The following CES1 variants were observed in gnomAD, a reference collection of about 807,000 sequenced individuals.
The protein encoded by CES1 is carboxylesterase 1, also known as liver carboxylesterase 1.
CES1 carries 50 observed loss-of-function variants against 53.0 expected under a neutral mutation model. The ratio of observed to expected loss-of-function variants is 0.94; its 90% confidence interval spans 0.75 to 1.19. The LOEUF (loss-of-function observed/expected upper bound fraction) is 1.19, where lower values mean the gene tolerates loss of function less well. Ranked by LOEUF, CES1 falls within the 50% of genes most tolerant of loss-of-function variation. CES1 has a pLI of 0.00. For synonymous variants in CES1, 202 were observed against 210.1 expected (o/e 0.96, Z 0.33); for missense variants, 534 against 538.0 (o/e 0.99, Z 0.07).
At chr16:55,832,662 T>C (rs1360940311) in intron 1 of CES1, among the ~76,000 whole-genome samples, 1 of 152,170 alleles carries the variant, frequency 6.6e-6, no homozygotes, top group African/African-American at 2.4e-5. Context: ...CTTAATATTA[T>C]GTTGAGCCGC....
intron 1 of CES1, among the ~76,000 whole-genome samples, chr16:55,830,803 A>AAGGAAGGAAGGAAGGGAGGG (rs1375372633): frequency 7.6e-5 from 11 of 145,394 alleles, no homozygotes; most frequent in African/African-American, 2.9e-4. Flanking sequence ...GGAAGGAAGG[A>AAGGAAGGAAGGAAGGGAGGG]AGGAAGGAAG....
At chr16:55,815,521 C>T (rs1250622492) in intron 8 of CES1, among the ~76,000 whole-genome samples, 12 of 152,224 alleles carry the variant, frequency 7.9e-5, no homozygotes, top group African/African-American at 2.9e-4. Flanking sequence ...TTAGAGTTTG[C>T]AAGTGGCTGC....
At chr16:55,819,274 A>G (rs1485299434) in intron 7 of CES1, among the ~76,000 whole-genome samples, 1 of 152,262 alleles carries the variant, frequency 6.6e-6, no homozygotes, top group Admixed American at 6.5e-5. Flanking sequence ...TTAAAAATAC[A>G]TCTGAAAACA....
chr16:55,829,525 A>G (rs192684569), intron 1 of CES1, among the ~76,000 whole-genome samples: 57 of 152,352 alleles, frequency 3.7e-4, no homozygotes, highest in African/African-American at 1.3e-3. Context: ...GGAGGACTGA[A>G]TGAGGGGAGA....
In CES1 at chr16:55,816,916, G is replaced by A. The variant is rs146318043; in HGVS notation, c.945+8C>T. 1.4e-4 allele frequency: 220 copies of A among 1,613,938 alleles called. 2 individuals are homozygous for A. In the African/African-American group the frequency reaches 2.5e-3, roughly 18 times the overall value. On this transcript the variant is annotated splice_region_variant and intron_variant, in intron 8 of 13. Coordinates refer to ENST00000360526, the MANE Select transcript of CES1 (RefSeq NM_001025195.2). ...AAAACCCGTAATCCAGAAACAAAAG[G>A]TCCTTACCTCTCTGGGGTCTCCCTG...
intron 4 of CES1, among the ~76,000 whole-genome samples, chr16:55,822,780 G>T (rs546808725): frequency 6.6e-6 from 1 of 152,230 alleles, no homozygotes; most frequent in South Asian, 2.1e-4. Flanking sequence ...CACAGAGGCT[G>T]AGTGGCCATC....
rs577095684 is a variant in CES1 at position 55,831,302 on chromosome 16, G to A, written c.52+1702C>T. On this transcript the variant is annotated intron_variant, in intron 1 of 13. Coordinates refer to ENST00000360526, the MANE Select transcript of CES1 (RefSeq NM_001025195.2). The stretch of plus-strand genomic sequence containing the variant: ...CTAAGAGTGCTGAGGACTTCAGGGA[G>A]GTGGAGGAGAGTCAAGTCAGAGAAG... Among the ~76,000 whole-genome samples, 44 of 152,130 alleles carry A rather than the reference G, an allele frequency of 2.9e-4. No individual in the cohort carries two copies. The South Asian group carries it at 7.7e-3, about 27-fold the overall frequency.
intron 9 of CES1, 54 bp downstream of exon 9, chr16:55,812,849 C>T (rs56308156): frequency 0.13 from 208,731 of 1,609,338 alleles, 15,446 homozygotes; most frequent in Non-Finnish European, 0.15. Flanking sequence ...GGACCAGAGA[C>T]AGGAGGGCTG....
At chr16:55,822,056 A>G (rs2032221870) in intron 4 of CES1, among the ~76,000 whole-genome samples, 1 of 152,258 alleles carries the variant, frequency 6.6e-6, no homozygotes, top group African/African-American at 2.4e-5. Context: ...AAGGAATTCC[A>G]GGCAGAAGAA....
intron 5 of CES1, among the ~76,000 whole-genome samples, chr16:55,820,761 C>T (rs536699744): frequency 3.4e-4 from 51 of 152,192 alleles, no homozygotes; most frequent in African/African-American, 1.2e-3. Flanking sequence ...ACCCACAACC[C>T]CTGCCCCATC....
chr16:55,830,039 G>T (rs1316885334), intron 1 of CES1, among the ~76,000 whole-genome samples: 1 of 152,214 alleles, frequency 6.6e-6, no homozygotes, highest in Non-Finnish European at 1.5e-5. Context: ...CCTAGGAAAT[G>T]ATTTCCAGCC....
At chr16:55,822,508 A>AG (rs1369106443) in intron 4 of CES1, among the ~76,000 whole-genome samples, 2 of 152,128 alleles carry the variant, frequency 1.3e-5, no homozygotes, top group Middle Eastern at 6.3e-3. Flanking sequence ...TGGGAGGAGA[A>AG]GGGGGTCTCT....
intron 8 of CES1, among the ~76,000 whole-genome samples, chr16:55,815,921 T>C: frequency 6.6e-6 from 1 of 152,298 alleles, no homozygotes; most frequent in South Asian, 2.1e-4. Flanking sequence ...CACTGCCCAT[T>C]ACCTCTTTAG....
intron 1 of CES1, among the ~76,000 whole-genome samples, chr16:55,832,727 T>C (rs1555509561): frequency 6.6e-6 from 1 of 152,228 alleles, no homozygotes; most frequent in African/African-American, 2.4e-5. Context: ...CTGAGCTGCC[T>C]AAATTTCTCG....
chr16:55,819,068 G>T (rs2032063404), intron 7 of CES1, among the ~76,000 whole-genome samples: 1 of 152,222 alleles, frequency 6.6e-6, no homozygotes, highest in East Asian at 1.9e-4. Flanking sequence ...TGGGTGGATG[G>T]ATGACTATCC....
intron 7 of CES1, among the ~76,000 whole-genome samples, chr16:55,819,262 T>C (rs1236891044): frequency 3.9e-5 from 6 of 152,236 alleles, no homozygotes; most frequent in Admixed American, 3.3e-4. Context: ...ACATTTAATT[T>C]CTTAAAAATA....
At chr16:55,815,010 G>C (rs1206694141) in intron 8 of CES1, among the ~76,000 whole-genome samples, 2 of 152,252 alleles carry the variant, frequency 1.3e-5, no homozygotes, top group East Asian at 1.9e-4. Flanking sequence ...CTACGTGGAA[G>C]AGACGCCGCC....
chr16:55,821,490 C>A lies in CES1; in HGVS notation c.571G>T (p.Gly191Cys), dbSNP rs150241462. ...TGDEHSRGNWGHLDQVAALRW... is the reference protein window; with the variant it reads ...TGDEHSRGNWCHLDQVAALRW... ...AGGGCAGCCACCTGGTCCAGGTGACCCCAGTTCCCCCGGCTGTGTTCATCC... is the reference window on the plus strand; with the variant it reads ...AGGGCAGCCACCTGGTCCAGGTGACACCAGTTCCCCCGGCTGTGTTCATCC... The change falls in exon 5 of 14, where the codon GGT becomes TGT. Residue 191 changes from glycine to cysteine, a missense_variant. Gly to Cys is a radical substitution (Grantham distance 159). Transcript: ENST00000360526. The A allele has an allele frequency of 1.8e-4, 285 of 1,614,158 alleles. 1 individual carries two copies. The African/African-American group carries it at 3.5e-3, about 20-fold the overall frequency.
rs2031546854 is a variant in CES1, at chr16:55,808,734, G to A, written c.1318+1783C>T. On this transcript the variant is annotated intron_variant, in intron 11 of 13. Coordinates refer to ENST00000360526, the MANE Select transcript of CES1 (RefSeq NM_001025195.2). ...AGTAGCCAGGCTAAACATCTAATAG[G>A]ATATGAATATTAAAGTCTATTTAAC... 2.0e-5 allele frequency among the ~76,000 whole-genome samples: 3 copies of A among 152,090 alleles called. No homozygotes were observed. In the South Asian group the frequency reaches 6.2e-4, roughly 32 times the overall value.
Sources: allele counts gnomAD v4.1 joint callset (sites outside exome capture counted in the v4.1 genomes callset), GRCh38; gene constraint gnomAD v4.1.1; transcripts MANE v1.5; gene names NCBI Gene and HGNC (gene_info 2026-07-23, HGNC 2026-07-21).